The following TNS3 variants were observed in gnomAD, a reference collection of about 807,000 sequenced individuals.
The protein encoded by TNS3 is tensin-3.
A neutral mutation model predicts 140.9 loss-of-function variants in TNS3; 45 were observed. The ratio of observed to expected loss-of-function variants is 0.32; its 90% CI spans 0.25 to 0.41. The LOEUF is 0.41. Ranked by LOEUF, TNS3 falls within the 10% of genes least tolerant of loss-of-function variation. The pLI is 1.00. For missense variants in TNS3, 1,716 were observed against 1,906.7 expected (o/e 0.90, Z 1.86); for synonymous variants, 815 against 788.4 (o/e 1.03, Z -0.56).
chr7:47,302,044 T>A, intron 23 of TNS3, 142 bp downstream of exon 23: 1 of 650,558 alleles, frequency 1.5e-6, no homozygotes, highest in Non-Finnish European at 2.7e-6. Context: ...AGGCATGGAA[T>A]AACGTGTGGG....
At chr7:47,338,080 T>C (rs951773449) in intron 20 of TNS3, among the ~76,000 whole-genome samples, 1 of 130,698 alleles carries the variant, frequency 7.7e-6, no homozygotes, top group South Asian at 2.5e-4. Flanking sequence ...TTCCATGGTA[T>C]TGAGGTACTA....
chr7:47,563,021 T>C (rs991429976), intron 1 of TNS3, among the ~76,000 whole-genome samples: 1 of 152,170 alleles, frequency 6.6e-6, no homozygotes, highest in South Asian at 2.1e-4. Context: ...TCTCTGGCCA[T>C]ACCCTTCTTT....
intron 13 of TNS3, 44 bp from the exon 14 acceptor site, chr7:47,400,958 GAC>G: frequency 6.2e-7 from 1 of 1,610,664 alleles, no homozygotes; most frequent in Non-Finnish European, 8.5e-7. Flanking sequence ...TGCAGCGGGG[GAC>G]ACACGTTCCC....
At chr7:47,307,232 C>T (rs1786813142) in intron 20 of TNS3, among the ~76,000 whole-genome samples, 1 of 152,186 alleles carries the variant, frequency 6.6e-6, no homozygotes, top group South Asian at 2.1e-4. Flanking sequence ...TCCTAAAATT[C>T]TACATGAATA....
At chr7:47,510,269 G>C (rs654073) in intron 2 of TNS3, among the ~76,000 whole-genome samples, 149,949 of 152,242 alleles carry the variant, frequency 0.98, 73,892 homozygotes, top group East Asian at 1. Context: ...AAGGGAGGCT[G>C]CAAAACAGAA....
chr7:47,431,586 C>G (rs1347203108), intron 8 of TNS3, among the ~76,000 whole-genome samples: 1 of 151,920 alleles, frequency 6.6e-6, no homozygotes, highest in African/African-American at 2.4e-5. Context: ...AGTGAGACTC[C>G]GTCTCAAAAA....
intron 2 of TNS3, among the ~76,000 whole-genome samples, chr7:47,513,633 TTCATCCA>T (rs1278836068): frequency 6.6e-6 from 1 of 152,218 alleles, no homozygotes; most frequent in Non-Finnish European, 1.5e-5. Context: ...GACATCACTT[TTCATCCA>T]TCAACTTGCA....
chr7:47,526,286 T>G (rs1799190106), intron 2 of TNS3, among the ~76,000 whole-genome samples: 1 of 152,200 alleles, frequency 6.6e-6, no homozygotes, highest in Admixed American at 6.5e-5. Context: ...CAAGCCACTG[T>G]GGTAAGTTGT....
chr7:47,433,879 GTCTATCTCTCTC>G (rs1018025621), intron 8 of TNS3, among the ~76,000 whole-genome samples: 1 of 85,648 alleles, frequency 1.2e-5, no homozygotes, highest in African/African-American at 4.3e-5. Context: ...AAGTCCGTCT[GTCTATCTCTCTC>G]TCTCTCTCTC....
chr7:47,386,789 C>A (rs753781817), intron 16 of TNS3, among the ~76,000 whole-genome samples: 18 of 152,234 alleles, frequency 1.2e-4, no homozygotes, highest in Non-Finnish European at 2.4e-4. Context: ...GTCTGAAGAT[C>A]CATTAAAGCT....
chr7:47,280,737 AC>A (rs1785102165), intron 28 of TNS3, among the ~76,000 whole-genome samples: 1 of 152,148 alleles, frequency 6.6e-6, no homozygotes, highest in Non-Finnish European at 1.5e-5. Context: ...AACATGTGAA[AC>A]CCCGTCTCTA....
At chr7:47,536,399 C>T (rs1204380997) in intron 1 of TNS3, among the ~76,000 whole-genome samples, 1 of 152,106 alleles carries the variant, frequency 6.6e-6, no homozygotes, top group Non-Finnish European at 1.5e-5. Flanking sequence ...CTGTTTAATT[C>T]AAACACCGTG....
chr7:47,377,457 C>A (rs1274142400), intron 16 of TNS3, among the ~76,000 whole-genome samples: 1 of 152,226 alleles, frequency 6.6e-6, no homozygotes, highest in African/African-American at 2.4e-5. Flanking sequence ...AGTGGGGCTG[C>A]AAAGGGTGTG....
At chr7:47,461,204 T>C (rs1462855216) in intron 4 of TNS3, among the ~76,000 whole-genome samples, 1 of 152,210 alleles carries the variant, frequency 6.6e-6, no homozygotes, top group Non-Finnish European at 1.5e-5. Context: ...CATTGGAAGC[T>C]GAACCAGGCT....
intron 4 of TNS3, among the ~76,000 whole-genome samples, chr7:47,446,386 G>C (rs1041244145): frequency 1.3e-5 from 2 of 152,136 alleles, no homozygotes; most frequent in Non-Finnish European, 2.9e-5. Flanking sequence ...TTTCCTTGTG[G>C]ACCCTATCGC....
chr7:47,405,420 CGCATATTTGGAG>C, intron 13 of TNS3: 1 of 682,286 alleles, frequency 1.5e-6, no homozygotes. Context: ...GAGTTACAAC[CGCATATTTGGAG>C]GGTAAAAAGT....
At chr7:47,385,236 G>A (rs982761537) in intron 16 of TNS3, among the ~76,000 whole-genome samples, 2 of 152,154 alleles carry the variant, frequency 1.3e-5, no homozygotes, top group African/African-American at 4.8e-5. Context: ...TCAGCAGAAG[G>A]AGATTCACAG....
intron 1 of TNS3, among the ~76,000 whole-genome samples, chr7:47,533,175 C>G (rs2151948519): frequency 7.7e-6 from 1 of 129,438 alleles, no homozygotes; most frequent in Non-Finnish European, 1.6e-5. Flanking sequence ...CTCTGTCGCC[C>G]ACACTGGAGT....
At chr7:47,345,753 G>A (rs1789298836) in intron 18 of TNS3, among the ~76,000 whole-genome samples, 1 of 152,184 alleles carries the variant, frequency 6.6e-6, no homozygotes, top group African/African-American at 2.4e-5. Flanking sequence ...GTGTGAGTGT[G>A]ATGACCCTGA....
Sources: allele counts gnomAD v4.1 joint callset (sites outside exome capture counted in the v4.1 genomes callset), GRCh38; gene constraint gnomAD v4.1.1; transcripts MANE v1.5; gene names NCBI Gene and HGNC (gene_info 2026-07-23, HGNC 2026-07-21).